TMC1: variants seen among roughly 807,000 people sequenced by gnomAD.
The protein encoded by TMC1 is transmembrane channel like 1, also known as transmembrane channel-like protein 1.
TMC1 carries 84 observed loss-of-function variants against 105.8 expected under a neutral mutation model. The observed-to-expected ratio is 0.79, with a 90% CI of 0.67 to 0.95. The LOEUF is 0.95. Among genes scored for constraint, TMC1 ranks in the 40% least tolerant of loss-of-function variants. The pLI, the probability that TMC1 is intolerant of heterozygous loss-of-function variation, is 0.00. For missense variants in TMC1, 817 were observed against 914.1 expected, an observed-to-expected ratio of 0.89 and a Z score of 1.37; for synonymous variants, 315 against 311.5, an observed-to-expected ratio of 1.01 and a Z score of -0.12.
chr9:72,640,156 A>G (rs1374040870), intron 4 of TMC1, among the ~76,000 whole-genome samples: 1 of 152,206 alleles, frequency 6.6e-6, no homozygotes, highest in Non-Finnish European at 1.5e-5. Flanking sequence ...GTATATTGGT[A>G]CTACTAAAGT....
chr9:72,592,352 A>T (rs1824653312), intron 2 of TMC1, among the ~76,000 whole-genome samples: 1 of 152,170 alleles, frequency 6.6e-6, no homozygotes, highest in Non-Finnish European at 1.5e-5. Context: ...AAACTTGGGG[A>T]TCATTAAAGC....
At chr9:72,583,870 T>G (rs1234383943) in intron 2 of TMC1, among the ~76,000 whole-genome samples, 2 of 151,024 alleles carry the variant, frequency 1.3e-5, no homozygotes, top group Admixed American at 1.3e-4. Context: ...AAAAGTAGTG[T>G]ACAAATAAAT....
intron 21 of TMC1, among the ~76,000 whole-genome samples, chr9:72,828,629 C>T (rs540080136): frequency 6.6e-6 from 1 of 152,258 alleles, no homozygotes; most frequent in South Asian, 2.1e-4. Context: ...CATTTAATTC[C>T]CATAACAGCT....
chr9:72,556,585 G>A (rs1242394329), intron 1 of TMC1, among the ~76,000 whole-genome samples: 1 of 151,608 alleles, frequency 6.6e-6, no homozygotes, highest in Non-Finnish European at 1.5e-5. Flanking sequence ...TTGGGAGGCC[G>A]AGACGGGTGG....
rs1031806156 is a variant in TMC1, at chr9:72,648,449, A to C, written c.-52-148A>C. The C allele has an allele frequency of 9.5e-6, 6 of 630,200 alleles. No homozygotes were observed. In the African/African-American group the frequency reaches 1.1e-4, roughly 12 times the overall value. 39.0% of individuals were successfully genotyped at this position (630,200 alleles called of 1,614,324 possible). On this transcript the variant is annotated intron_variant, in intron 4 of 23. Transcript: ENST00000297784. Reference sequence around the variant, plus strand: ...ACTCCGTCCCTTAAATGGCAAACTAAACATTCGTGAAAATTTAATGGTGAG... The same window carrying C: ...ACTCCGTCCCTTAAATGGCAAACTACACATTCGTGAAAATTTAATGGTGAG...
intron 1 of TMC1, among the ~76,000 whole-genome samples, chr9:72,538,163 A>T (rs1412256615): frequency 2.0e-5 from 3 of 151,816 alleles, no homozygotes; most frequent in African/African-American, 7.3e-5. Flanking sequence ...CTGAAAAAAA[A>T]AAAAAAAAAA....
At chr9:72,568,893 A>G (rs755726098) in intron 1 of TMC1, among the ~76,000 whole-genome samples, 1 of 152,348 alleles carries the variant, frequency 6.6e-6, no homozygotes, top group East Asian at 1.9e-4. Flanking sequence ...TTAGAAAATA[A>G]AAGCTAAATT....
In TMC1 at chr9:72,792,208, A is replaced by G. The variant is rs1360244578; in HGVS notation, c.1422A>G (p.Leu474=). ...CTTTCTAGATTGAAGAGGAGAAGCT[A>G]GTAAAGGCCAATATTACCCTTTGGG... is the stretch of plus-strand genomic sequence containing the variant. ...EINNKIEEEK[L]VKANITLWEA... Residue 474 remains leucine (L), a synonymous_variant, in exon 17 of 24, where the codon CTA becomes CTG. Transcript: ENST00000297784. 6 of 1,614,076 alleles carry G rather than the reference A, an allele frequency of 3.7e-6. 1 individual carries two copies. The African/African-American group carries it at 4.0e-5, about 11-fold the overall frequency.
intron 8 of TMC1, among the ~76,000 whole-genome samples, chr9:72,729,243 C>A (rs1424447692): frequency 6.6e-6 from 1 of 152,074 alleles, no homozygotes; most frequent in African/African-American, 2.4e-5. Context: ...ATAGGTCACT[C>A]TCATGTTTGT....
At chr9:72,699,956 C>CAAAAAAA (rs61062887) in intron 7 of TMC1, among the ~76,000 whole-genome samples, 4 of 46,582 alleles carry the variant, frequency 8.6e-5, no homozygotes, top group Non-Finnish European at 1.2e-4. Context: ...GACTCTGTCT[C>CAAAAAAA]AAAAAAAAAA....
chr9:72,771,185 G>A (rs1003108771), intron 12 of TMC1, among the ~76,000 whole-genome samples: 2 of 152,266 alleles, frequency 1.3e-5, no homozygotes, highest in Non-Finnish European at 2.9e-5. Context: ...CCCGAGTTAA[G>A]CACACAAGTT....
At chr9:72,647,371 A>T (rs1057399798) in intron 4 of TMC1, among the ~76,000 whole-genome samples, 2 of 151,900 alleles carry the variant, frequency 1.3e-5, no homozygotes, top group African/African-American at 4.8e-5. Flanking sequence ...TAATTTTCTC[A>T]TGGTTTTTGT....
At chr9:72,595,348 C>T (rs7026468) in intron 2 of TMC1, among the ~76,000 whole-genome samples, 63,806 of 152,020 alleles carry the variant, frequency 0.42, 14,480 homozygotes, top group African/African-American at 0.59. Flanking sequence ...GTCTAGTGCC[C>T]TCTCTTATTT....
chr9:72,669,957 G>C (rs1313115658), intron 5 of TMC1, among the ~76,000 whole-genome samples: 1 of 152,174 alleles, frequency 6.6e-6, no homozygotes, highest in East Asian at 1.9e-4. Flanking sequence ...TGCCTGGAGA[G>C]AGATTCCAGG....
intron 12 of TMC1, among the ~76,000 whole-genome samples, chr9:72,765,784 G>A (rs530353856): frequency 6.6e-6 from 1 of 152,276 alleles, no homozygotes; most frequent in East Asian, 1.9e-4. Flanking sequence ...AATGTGCTAT[G>A]TTCATGCTTC....
At position 72,538,427 on chromosome 9, in the gene TMC1, G is replaced by GTATTGTATTA. The variant is rs1554709815; in HGVS notation, c.-428+16523_-428+16524insATATTGTATT. Among the ~76,000 whole-genome samples, 860 of 146,114 alleles carry GTATTGTATTA rather than the reference G, an allele frequency of 5.9e-3. 4 individuals are homozygous for GTATTGTATTA. Among genetic ancestry groups the GTATTGTATTA allele is most frequent in the Non-Finnish European group, 8.3e-3 (547 of 65,708 alleles). On this transcript the variant is annotated intron_variant, in intron 1 of 23. Transcript: ENST00000297784. Reference sequence around the variant, plus strand: ...GTATTGTATTGTATTGTATTGTATTGTATTGTATTGTATTGTATCGTATTT... The same window carrying GTATTGTATTA: ...GTATTGTATTGTATTGTATTGTATTGTATTGTATTATATTGTATTGTATTGTATCGTATTT...
chr9:72,546,774 A>G (rs531833437), intron 1 of TMC1, among the ~76,000 whole-genome samples: 36 of 152,358 alleles, frequency 2.4e-4, no homozygotes, highest in South Asian at 4.1e-4. Context: ...AAAAAAGTTA[A>G]CCCAGAAAAG....
chr9:72,813,898 C>T (rs1828742235), intron 18 of TMC1, among the ~76,000 whole-genome samples: 1 of 152,154 alleles, frequency 6.6e-6, no homozygotes, highest in Admixed American at 6.5e-5. Context: ...TATGGCCACC[C>T]TGTATCCTTT....
intron 2 of TMC1, among the ~76,000 whole-genome samples, chr9:72,596,067 G>C (rs112970138): frequency 0.016 from 2,458 of 151,928 alleles, 24 homozygotes; most frequent in South Asian, 0.043. Flanking sequence ...AGTAAAGACA[G>C]GGTTTCACCA....
Sources: gnomAD v4.1 joint callset for allele counts (sites outside exome capture counted in the v4.1 genomes callset) on GRCh38, gnomAD v4.1.1 for gene constraint, MANE v1.5 for transcripts, NCBI Gene and HGNC (gene_info 2026-07-23, HGNC 2026-07-21) for gene names.